Variants in NDRG3 observed in about 807,000 individuals in gnomAD.
NDRG3 encodes protein NDRG3.
NDRG3 carries 23 observed loss-of-function variants against 57.2 expected under a neutral mutation model. The ratio of observed to expected loss-of-function variants is 0.40; its 90% CI spans 0.29 to 0.57. NDRG3 has a LOEUF of 0.57. NDRG3 is among the 20% of genes least tolerant of loss of function. The pLI, the probability that NDRG3 is intolerant of heterozygous loss-of-function variation, is 0.42. For synonymous variants in NDRG3, 132 were observed against 162.6 expected (o/e 0.81, Z 1.43); for missense variants, 384 against 457.3 (o/e 0.84, Z 1.46).
Position 36,746,076 on chromosome 20 carries a change from A to T in NDRG3, c.-80T>A, listed in dbSNP as rs568287557. ...CGCGGGCACCCGCCGTCAGTGCAGC[A>T]GCAGCGGCGGCGGCGGCGGCGGCGG... On this transcript the variant is annotated 5_prime_UTR_variant, in exon 1 of 16. Transcript: ENST00000349004. 368 of 291,752 alleles carry T rather than the reference A, an allele frequency of 1.3e-3. 1 individual carries two copies. Among genetic ancestry groups the T allele is most frequent in the African/African-American group, 8.4e-3 (302 of 36,020 alleles). 18.1% of individuals were successfully genotyped at this position (291,752 alleles called of 1,614,324 possible).
chr20:36,729,512 T>G (rs1047419681), intron 1 of NDRG3, among the ~76,000 whole-genome samples: 3 of 152,078 alleles, frequency 2.0e-5, no homozygotes, highest in African/African-American at 7.2e-5. Flanking sequence ...ACTGAAAGCC[T>G]TCATTATTAT....
intron 5 of NDRG3, among the ~76,000 whole-genome samples, chr20:36,686,893 CT>C (rs1293528291): frequency 6.6e-6 from 1 of 151,958 alleles, no homozygotes; most frequent in East Asian, 1.9e-4. Context: ...TGTTTGTTTT[CT>C]TTCTGGGGAC....
In NDRG3 at chr20:36,680,922, C is replaced by G; in HGVS notation, c.445-20G>C. On this transcript the variant is annotated intron_variant, in intron 7 of 15. Transcript: ENST00000349004. ...GTTGAGCTGAAAGATGAGGCAAAGA[C>G]AATAGTATGAAAGCTACACTCCCAC... The G allele has an allele frequency of 6.2e-7, 1 of 1,604,188 alleles. No individual in the cohort carries two copies. Among genetic ancestry groups the G allele is most frequent in the Non-Finnish European group, 8.5e-7 (1 of 1,171,352 alleles).
At chr20:36,679,705 T>C (rs1252061333) in intron 8 of NDRG3, among the ~76,000 whole-genome samples, 1 of 151,354 alleles carries the variant, frequency 6.6e-6, no homozygotes, top group Non-Finnish European at 1.5e-5. Flanking sequence ...AGTTTCGCCA[T>C]GTTGGCCAGG....
chr20:36,711,600 T>C (rs1983883988), intron 2 of NDRG3, among the ~76,000 whole-genome samples: 1 of 152,180 alleles, frequency 6.6e-6, no homozygotes, highest in African/African-American at 2.4e-5. Context: ...CCTCGGTCCC[T>C]GACATGAGCA....
intron 6 of NDRG3, among the ~76,000 whole-genome samples, chr20:36,682,897 C>T (rs1345422613): frequency 6.7e-6 from 1 of 150,088 alleles, no homozygotes; most frequent in African/African-American, 2.5e-5. Context: ...GAAACCCCGT[C>T]TCTACTAAAA....
At chr20:36,666,908 A>G (rs375078570) in intron 9 of NDRG3, among the ~76,000 whole-genome samples, 19 of 152,170 alleles carry the variant, frequency 1.2e-4, no homozygotes, top group African/African-American at 4.3e-4. Context: ...GTCTCAGCTC[A>G]CTGCAACCTC....
chr20:36,702,206 G>T (rs2148160106), intron 3 of NDRG3, among the ~76,000 whole-genome samples: 1 of 151,818 alleles, frequency 6.6e-6, no homozygotes, highest in Admixed American at 6.6e-5. Context: ...GCGTGATCTT[G>T]GTTCACTGCA....
chr20:36,715,036 A>G (rs1984181153), intron 2 of NDRG3, among the ~76,000 whole-genome samples: 2 of 117,356 alleles, frequency 1.7e-5, no homozygotes, highest in African/African-American at 3.9e-5. Context: ...ATATATATAT[A>G]TATATATATA....
chr20:36,744,248 AAAC>A (rs1473206162), intron 1 of NDRG3, among the ~76,000 whole-genome samples: 3 of 152,148 alleles, frequency 2.0e-5, no homozygotes, highest in Admixed American at 6.6e-5. Flanking sequence ...AAGTTTTCAA[AAAC>A]AACAGGGTGG....
chr20:36,710,850 C>T (rs1430800248), intron 2 of NDRG3, among the ~76,000 whole-genome samples: 2 of 145,442 alleles, frequency 1.4e-5, no homozygotes, highest in Non-Finnish European at 3.0e-5. Flanking sequence ...CATGGTGGAG[C>T]GTGCCTGTAG....
chr20:36,723,071 G>A (rs1012690553), intron 1 of NDRG3, among the ~76,000 whole-genome samples: 1 of 152,112 alleles, frequency 6.6e-6, no homozygotes, highest in Non-Finnish European at 1.5e-5. Context: ...TCAAGAGTTC[G>A]GATAGCTACA....
chr20:36,682,507 T>G lies in NDRG3; in HGVS notation c.444+11A>C, dbSNP rs773376200. The stretch of plus-strand genomic sequence containing the variant: ...CTCAAGGATGTTGAGGCTAATCCTC[T>G]ACATACTTACTGCAAATCTGCTGAG... On this transcript the variant is annotated intron_variant, in intron 7 of 15. Transcript: ENST00000349004. The G allele has an allele frequency of 6.8e-6, 11 of 1,609,646 alleles. No homozygotes were observed. In the South Asian group the frequency reaches 9.9e-5, roughly 14 times the overall value.
At chr20:36,693,073 A>C (rs1370111251) in intron 3 of NDRG3, among the ~76,000 whole-genome samples, 19 of 10,624 alleles carry the variant, frequency 1.8e-3, no homozygotes, top group African/African-American at 7.6e-3. Flanking sequence ...ACCCTGTCTC[A>C]AAAAAAAAAA....
chr20:36,681,830 T>C lies in NDRG3; in HGVS notation c.444+688A>G, dbSNP rs1568637664. Reference sequence around the variant, plus strand: ...CTCCTGCCTCAGCCTCCTGAGTAGCTGGGATTACAGGCACCTACCACCACG... The same window carrying C: ...CTCCTGCCTCAGCCTCCTGAGTAGCCGGGATTACAGGCACCTACCACCACG... On this transcript the variant is annotated intron_variant, in intron 7 of 15. Transcript: ENST00000349004. Among the ~76,000 whole-genome samples, 8 of 151,916 alleles carry C rather than the reference T, an allele frequency of 5.3e-5. No homozygotes were observed. The South Asian group carries it at 1.7e-3, about 32-fold the overall frequency.
chr20:36,655,613 G>A (rs1978587318), intron 15 of NDRG3, among the ~76,000 whole-genome samples: 1 of 152,142 alleles, frequency 6.6e-6, no homozygotes, highest in Admixed American at 6.5e-5. Flanking sequence ...CATTTCTCTA[G>A]GTCAGGAGTT....
At chr20:36,718,568 G>A (rs903790289) in intron 2 of NDRG3, among the ~76,000 whole-genome samples, 2 of 152,156 alleles carry the variant, frequency 1.3e-5, no homozygotes, top group Non-Finnish European at 2.9e-5. Flanking sequence ...CAAGATTAAG[G>A]TTCTAGAAGG....
At chr20:36,718,752 C>G (rs1436419829) in intron 2 of NDRG3, among the ~76,000 whole-genome samples, 1 of 152,100 alleles carries the variant, frequency 6.6e-6, no homozygotes, top group African/African-American at 2.4e-5. Flanking sequence ...ACAATCACAG[C>G]TCACTGCAGC....
At chr20:36,671,273 C>T (rs1180051598) in intron 9 of NDRG3, 68 bp downstream of exon 9, 3 of 1,322,418 alleles carry the variant, frequency 2.3e-6, no homozygotes, top group African/African-American at 2.9e-5. Flanking sequence ...CCCTTCTTTC[C>T]TAAGGTAAAA....
Sources: gnomAD v4.1 joint callset for allele counts (sites outside exome capture counted in the v4.1 genomes callset) on GRCh38, gnomAD v4.1.1 for gene constraint, MANE v1.5 for transcripts, NCBI Gene and HGNC (gene_info 2026-07-23, HGNC 2026-07-21) for gene names.